The following ABCA13 variants were observed in gnomAD, a reference collection of about 807,000 sequenced individuals.
ABCA13 encodes ATP binding cassette subfamily A member 13.
In ABCA13, 476 loss-of-function variants were observed where a neutral mutation model predicts 478.7. The ratio of observed to expected loss-of-function variants is 0.99; its 90% CI spans 0.92 to 1.07. ABCA13 has a LOEUF of 1.07. Ranked by LOEUF, ABCA13 falls within the 50% of genes least tolerant of loss-of-function variation. ABCA13 has a pLI of 0.00. For missense variants in ABCA13, 6,060 were observed against 5,910.6 expected (o/e 1.03, Z -0.83); for synonymous variants, 2,252 against 2,158.9 (o/e 1.04, Z -1.20).
At chr7:48,507,422 TG>T (rs1831311333) in intron 49 of ABCA13, among the ~76,000 whole-genome samples, 1 of 152,210 alleles carries the variant, frequency 6.6e-6, no homozygotes, top group Non-Finnish European at 1.5e-5. Flanking sequence ...AAAATCTTGT[TG>T]GTATTTCATG....
chr7:48,510,557 A>G (rs1200487258), intron 50 of ABCA13, among the ~76,000 whole-genome samples: 1 of 152,226 alleles, frequency 6.6e-6, no homozygotes, highest in Non-Finnish European at 1.5e-5. Flanking sequence ...TGACAGTAGT[A>G]GTCACCTCAG....
At position 48,271,820 on chromosome 7, in the gene ABCA13, G is replaced by A. The variant is rs945786020; in HGVS notation, c.2154G>A (p.Met718Ile). The change falls in exon 17 of 62, where the codon ATG (methionine) becomes ATA (isoleucine). Residue 718 changes from methionine (M) to isoleucine (I), a missense_variant. This residue lies in a region of ABCA13 where 4,423 missense variants were observed against 4,309.1 expected (regional missense o/e 1.03). Coordinates refer to ENST00000435803, the MANE Select transcript of ABCA13 (RefSeq NM_152701.5). ...ATTTCACAAAGCACCTTCTAATGAT[G>A]GAAAAGAAGTTGCACACCCTTGAGG... ...ALNFTKHLLM[M>I]EKKLHTLEDE... 4.5e-6 allele frequency: 7 copies of A among 1,545,584 alleles called. No homozygotes were observed. The highest frequency in any genetic ancestry group is 2.4e-5 in the East Asian group (1 of 41,800).
chr7:48,276,089 G>T lies in ABCA13; in HGVS notation c.6423G>T (p.Met2141Ile). The T allele has an allele frequency of 6.2e-7, 1 of 1,600,914 alleles. No individual in the cohort carries two copies. Among genetic ancestry groups the T allele is most frequent in the Non-Finnish European group, 8.5e-7 (1 of 1,173,036 alleles). ...QEYANEDYSRMIETLFIPVTN... is the reference protein window; with the variant it reads ...QEYANEDYSRIIETLFIPVTN... Reference sequence around the variant, plus strand: ...ATGCAAATGAGGATTACTCCAGAATGATAGAAACATTATTCATTCCTGTGA... The same window carrying T: ...ATGCAAATGAGGATTACTCCAGAATTATAGAAACATTATTCATTCCTGTGA... Residue 2141 changes from methionine (M) to isoleucine (I), a missense_variant, in exon 17 of 62, where the codon ATG (methionine) becomes ATT (isoleucine). Coordinates refer to ENST00000435803, the MANE Select transcript of ABCA13 (RefSeq NM_152701.5).
Position 48,520,208 on chromosome 7 carries a change from C to A in ABCA13, c.13965C>A (p.Gly4655=). ...GTCCCTTTGAGATGAACTTTCTGGG[C>A]TGGATCTTCGTGCAACTGGCCTCGC... ...YVSPFEMNFL[G]WIFVQLASQG... is the part of the protein sequence containing the mutation. Residue 4655 remains glycine (G), a synonymous_variant, in exon 53 of 62, where the codon GGC becomes GGA. Transcript: ENST00000435803. The A allele has an allele frequency of 6.2e-7, 1 of 1,613,694 alleles. No homozygotes were observed. Among genetic ancestry groups the A allele is most frequent in the South Asian group, 1.1e-5 (1 of 91,078 alleles).
chr7:48,214,142 C>T (rs1170175069), intron 3 of ABCA13, among the ~76,000 whole-genome samples: 1 of 152,148 alleles, frequency 6.6e-6, no homozygotes, highest in African/African-American at 2.4e-5. Context: ...TCTCCTTGTA[C>T]GTCTTCATTG....
At chr7:48,552,834 A>G (rs543147333) in intron 55 of ABCA13, among the ~76,000 whole-genome samples, 4 of 151,714 alleles carry the variant, frequency 2.6e-5, no homozygotes, top group African/African-American at 9.6e-5. Flanking sequence ...TAACAATCCA[A>G]TTATACTATT....
chr7:48,329,331 C>G (rs1188658896), intron 27 of ABCA13, among the ~76,000 whole-genome samples: 2 of 152,128 alleles, frequency 1.3e-5, no homozygotes, highest in African/African-American at 4.8e-5. Context: ...AAAGTGTATA[C>G]AAGATAAAAT....
chr7:48,466,897 C>T, intron 43 of ABCA13, 59 bp from the exon 44 acceptor site: 1 of 1,539,652 alleles, frequency 6.5e-7, no homozygotes, highest in Non-Finnish European at 9.0e-7. Context: ...GTTCTCCATT[C>T]TCTGTTGGGA....
intron 32 of ABCA13, among the ~76,000 whole-genome samples, chr7:48,368,683 A>ATG (rs1352534612): frequency 4.9e-4 from 39 of 80,208 alleles, no homozygotes; most frequent in African/African-American, 1.3e-3. Context: ...GTGTGTGTGT[A>ATG]TGTGTATATA....
chr7:48,461,055 G>A (rs982061665), intron 43 of ABCA13, among the ~76,000 whole-genome samples: 35 of 152,322 alleles, frequency 2.3e-4, no homozygotes, highest in African/African-American at 8.2e-4. Flanking sequence ...CAGTAATTCA[G>A]TGAGAGGACG....
intron 38 of ABCA13, among the ~76,000 whole-genome samples, chr7:48,400,592 G>T (rs904185051): frequency 2.0e-5 from 3 of 152,136 alleles, no homozygotes; most frequent in African/African-American, 7.2e-5. Context: ...AAATTCAACA[G>T]ATTAAAAACT....
chr7:48,183,485 G>A (rs1795971187), intron 1 of ABCA13, among the ~76,000 whole-genome samples: 1 of 152,184 alleles, frequency 6.6e-6, no homozygotes, highest in African/African-American at 2.4e-5. Flanking sequence ...GTTGTTGTGA[G>A]GATTAAATAA....
intron 45 of ABCA13, among the ~76,000 whole-genome samples, chr7:48,476,400 A>G (rs1156793863): frequency 2.6e-5 from 4 of 152,154 alleles, no homozygotes; most frequent in Admixed American, 6.5e-5. Context: ...AAAAGTGAGC[A>G]AGACTTTTTT....
chr7:48,237,731 T>C (rs1489348993), intron 8 of ABCA13, among the ~76,000 whole-genome samples: 1 of 152,166 alleles, frequency 6.6e-6, no homozygotes, highest in African/African-American at 2.4e-5. Context: ...GCCTCCTGAA[T>C]TGGAAAATGA....
chr7:48,500,368 A>C (rs1830639262), intron 48 of ABCA13, among the ~76,000 whole-genome samples: 1 of 152,020 alleles, frequency 6.6e-6, no homozygotes. Context: ...TAGGACAACC[A>C]AGGACCTTAG....
At chr7:48,504,534 C>T (rs73332019) in intron 48 of ABCA13, among the ~76,000 whole-genome samples, 82 of 152,138 alleles carry the variant, frequency 5.4e-4, no homozygotes, top group African/African-American at 1.9e-3. Flanking sequence ...GGGATATTTG[C>T]CCCAGGGTGT....
chr7:48,568,376 C>G (rs896642903), intron 55 of ABCA13, among the ~76,000 whole-genome samples: 4 of 151,974 alleles, frequency 2.6e-5, no homozygotes, highest in African/African-American at 9.7e-5. Context: ...GGTTTTTGCA[C>G]TTTATTCCAT....
At chr7:48,318,430 G>T (rs1802897324) in intron 27 of ABCA13, among the ~76,000 whole-genome samples, 1 of 151,894 alleles carries the variant, frequency 6.6e-6, no homozygotes, top group African/African-American at 2.4e-5. Context: ...CTCACTGCTT[G>T]GCTGAAGCAG....
At chr7:48,172,797 CAAAAAAAAAAAAAAAAAAAA>C (rs36196847) in intron 1 of ABCA13, among the ~76,000 whole-genome samples, 24 of 75,512 alleles carry the variant, frequency 3.2e-4, no homozygotes, top group African/African-American at 1.1e-3. Context: ...GACTCCGTCT[CAAAAAAAAAAAAAAAAAAAA>C]AAAAAAAAAA....
Sources: gnomAD v4.1 joint callset for allele counts (sites outside exome capture counted in the v4.1 genomes callset) on GRCh38, gnomAD v4.1.1 for gene constraint, gnomAD v4.1.1 regional missense constraint, MANE v1.5 for transcripts, NCBI Gene and HGNC (gene_info 2026-07-23, HGNC 2026-07-21) for gene names.